PRKN: variants seen among roughly 807,000 people sequenced by gnomAD.
The protein encoded by PRKN is E3 ubiquitin-protein ligase parkin.
A neutral mutation model predicts 59.5 loss-of-function variants in PRKN; 56 were observed. That is an observed-to-expected ratio of 0.94 (90% CI 0.76 to 1.18). The LOEUF (loss-of-function observed/expected upper bound fraction) is 1.18, where lower values mean the gene tolerates loss of function less well. PRKN is among the 50% of genes most tolerant of loss of function. The probability of loss-of-function intolerance (pLI) is 0.00; values close to 1 mark genes in which losing one functional copy is unlikely to be tolerated. For missense variants in PRKN, 657 were observed against 596.4 expected (o/e 1.10, Z -1.06); for synonymous variants, 250 against 222.1 (o/e 1.13, Z -1.12).
intron 1 of PRKN, among the ~76,000 whole-genome samples, chr6:162,546,239 C>A (rs1429541331): frequency 6.6e-6 from 1 of 151,218 alleles, no homozygotes; most frequent in Non-Finnish European, 1.5e-5. Flanking sequence ...AAGTACCTGG[C>A]ATTATAGGCG....
At chr6:162,569,183 GC>G in intron 1 of PRKN, 1 of 579,546 alleles carries the variant, frequency 1.7e-6, no homozygotes, top group Non-Finnish European at 3.2e-6. Flanking sequence ...AGCTGCAGAT[GC>G]AAAGACTGAG....
rs1258688899 is a variant in PRKN at position 162,636,994 on chromosome 6, C to T, written c.7+90668G>A. On this transcript the variant is annotated intron_variant, in intron 1 of 11. Transcript: ENST00000366898. ...AGATGTGGCCAGGCATGGTGGCTCA[C>T]GCCTGTAATCCCAGCACTTTGGGAG... Among the ~76,000 whole-genome samples, 7 of 151,892 alleles carry T rather than the reference C, an allele frequency of 4.6e-5. No individual in the cohort carries two copies. The East Asian group carries it at 9.7e-4, about 21-fold the overall frequency.
chr6:161,915,946 C>T (rs1030594612), intron 6 of PRKN, among the ~76,000 whole-genome samples: 6 of 151,854 alleles, frequency 4.0e-5, no homozygotes, highest in African/African-American at 7.3e-5. Context: ...ATCATGGCTG[C>T]GAGGCTACAG....
At chr6:162,339,090 G>A (rs576148600) in intron 2 of PRKN, among the ~76,000 whole-genome samples, 9,908 of 133,630 alleles carry the variant, frequency 0.074, 763 homozygotes, top group Non-Finnish European at 0.092. Context: ...GAGCCCCTCC[G>A]ACCGGCAGCC....
At chr6:161,881,249 A>G (rs1794924002) in intron 6 of PRKN, among the ~76,000 whole-genome samples, 1 of 152,196 alleles carries the variant, frequency 6.6e-6, no homozygotes, top group African/African-American at 2.4e-5. Flanking sequence ...GGAACTGCTG[A>G]AAACAGATGT....
At chr6:162,114,836 C>T (rs2128303522) in intron 4 of PRKN, among the ~76,000 whole-genome samples, 1 of 152,128 alleles carries the variant, frequency 6.6e-6, no homozygotes, top group Non-Finnish European at 1.5e-5. Context: ...ATTAAAAAGT[C>T]AAGAAACAAC....
intron 6 of PRKN, among the ~76,000 whole-genome samples, chr6:161,924,916 C>A (rs1262410366): frequency 2.0e-5 from 3 of 152,148 alleles, no homozygotes; most frequent in African/African-American, 4.8e-5. Flanking sequence ...GGGAGAGAGT[C>A]CCTCCACAAA....
chr6:161,383,897 T>C (rs1786111253), intron 10 of PRKN, among the ~76,000 whole-genome samples: 1 of 152,246 alleles, frequency 6.6e-6, no homozygotes, highest in Non-Finnish European at 1.5e-5. Flanking sequence ...CTTTCCGTTG[T>C]CTGGCAACTG....
intron 6 of PRKN, among the ~76,000 whole-genome samples, chr6:161,901,570 T>C (rs537605428): frequency 6.6e-6 from 1 of 152,292 alleles, no homozygotes; most frequent in Non-Finnish European, 1.5e-5. Context: ...TGCCCATAAG[T>C]GTTCTAATGT....
chr6:161,676,637 A>G (rs189304385), intron 7 of PRKN, among the ~76,000 whole-genome samples: 4 of 152,294 alleles, frequency 2.6e-5, no homozygotes, highest in Admixed American at 2.0e-4. Context: ...CAGAGACCCT[A>G]TGGCCTGCAA....
chr6:162,176,704 T>TA (rs1235641477), intron 4 of PRKN, among the ~76,000 whole-genome samples: 5 of 152,022 alleles, frequency 3.3e-5, no homozygotes, highest in Non-Finnish European at 7.4e-5. Context: ...ATACCATAAA[T>TA]AAAAAACAGC....
At chr6:161,567,297 C>G (rs1039965102) in intron 8 of PRKN, among the ~76,000 whole-genome samples, 3 of 152,156 alleles carry the variant, frequency 2.0e-5, no homozygotes, top group Non-Finnish European at 4.4e-5. Context: ...ATCTGCCTGC[C>G]TTGGCCTCCC....
chr6:161,439,114 A>G (rs1789066171), intron 9 of PRKN, among the ~76,000 whole-genome samples: 1 of 152,232 alleles, frequency 6.6e-6, no homozygotes, highest in African/African-American at 2.4e-5. Context: ...ATAGTAACAT[A>G]ATGCAGCAGG....
chr6:162,347,254 G>A (rs1442167931), intron 2 of PRKN, among the ~76,000 whole-genome samples: 4 of 147,444 alleles, frequency 2.7e-5, no homozygotes, highest in Admixed American at 6.8e-5. Context: ...CCTTTCTGAT[G>A]AAAAAAAAAT....
At chr6:161,747,751 G>A (rs1788493597) in intron 7 of PRKN, among the ~76,000 whole-genome samples, 1 of 152,148 alleles carries the variant, frequency 6.6e-6, no homozygotes, top group African/African-American at 2.4e-5. Context: ...GGGGATTGAG[G>A]ATTTGCTCTA....
At chr6:161,992,668 G>A (rs539636072) in intron 5 of PRKN, among the ~76,000 whole-genome samples, 1 of 152,218 alleles carries the variant, frequency 6.6e-6, no homozygotes, top group African/African-American at 2.4e-5. Context: ...ATCGGCACAT[G>A]GAACACTCTC....
intron 4 of PRKN, among the ~76,000 whole-genome samples, chr6:162,165,706 A>G (rs973434036): frequency 6.7e-6 from 1 of 148,934 alleles, no homozygotes; most frequent in African/African-American, 2.5e-5. Flanking sequence ...TATAAATGTT[A>G]ATGCACAACT....
intron 5 of PRKN, among the ~76,000 whole-genome samples, chr6:162,053,300 C>T (rs572519515): frequency 6.6e-6 from 1 of 152,208 alleles, no homozygotes; most frequent in African/African-American, 2.4e-5. Context: ...AAGGTATTAA[C>T]TGCCAGCTGG....
intron 4 of PRKN, among the ~76,000 whole-genome samples, chr6:162,142,035 T>C: frequency 6.6e-6 from 1 of 152,184 alleles, no homozygotes; most frequent in East Asian, 1.9e-4. Context: ...TGTAAACACA[T>C]GATCACTTAT....
Sources: gnomAD v4.1 joint callset for allele counts (sites outside exome capture counted in the v4.1 genomes callset) on GRCh38, gnomAD v4.1.1 for gene constraint, MANE v1.5 for transcripts, NCBI Gene and HGNC (gene_info 2026-07-23, HGNC 2026-07-21) for gene names.